RBM41: variants seen among roughly 807,000 people sequenced by gnomAD.
RBM41 encodes RNA binding motif protein 41, also known as RNA-binding protein 41.
In RBM41, 14 loss-of-function variants were observed where a neutral mutation model predicts 30.8. The ratio of observed to expected loss-of-function variants is 0.45; its 90% CI spans 0.30 to 0.71. RBM41 has a LOEUF of 0.71. Ranked by LOEUF, RBM41 falls within the 30% of genes least tolerant of loss-of-function variation. The probability of loss-of-function intolerance (pLI) is 0.08; values close to 1 mark genes in which losing one functional copy is unlikely to be tolerated. For synonymous variants in RBM41, 120 were observed against 110.1 expected (o/e 1.09, Z -0.56); for missense variants, 276 against 326.3 (o/e 0.85, Z 1.19).
At chrX:107,072,674 C>A (rs1393868509) in intron 6 of RBM41, among the ~76,000 whole-genome samples, 1 of 111,177 alleles carries the variant, frequency 9.0e-6, no homozygotes, top group Non-Finnish European at 1.9e-5. Flanking sequence ...ACAAAAGACT[C>A]TGAAGCCACA....
intron 5 of RBM41, among the ~76,000 whole-genome samples, chrX:107,100,484 C>G (rs1284527898): frequency 1.2e-5 from 1 of 86,328 alleles, no homozygotes; most frequent in Non-Finnish European, 2.1e-5. Context: ...ACAGTGGACT[C>G]TGTCTCAAAA....
rs558015171 is a variant in RBM41, at chrX:107,081,710, T to C, written c.999+6726A>G. On this transcript the variant is annotated intron_variant, in intron 6 of 7. Transcript: ENST00000685964. ...CATCAGTTTTACACTTTTGTGCATA[T>C]AGAACCTGTACATACTTTGTTAAAT... 5.3e-5 allele frequency among the ~76,000 whole-genome samples: 6 copies of C among 112,397 alleles called. No homozygotes were observed. In the South Asian group the frequency reaches 1.5e-3, roughly 27 times the overall value.
chrX:107,056,699 T>G, the RBM41 span, among the ~76,000 whole-genome samples: 2 of 111,737 alleles, frequency 1.8e-5, no homozygotes, highest in Non-Finnish European at 3.8e-5. Flanking sequence ...CTTTTTATTT[T>G]TGTAAGGCTG....
chrX:107,069,593 TAC>T (rs1438516653), intron 6 of RBM41, 191 bp from the exon 7 acceptor site: 1 of 349,007 alleles, frequency 2.9e-6, no homozygotes, highest in Non-Finnish European at 4.7e-6. Flanking sequence ...TAGCTGGGAT[TAC>T]AGTCATGTGC....
chrX:107,079,829 CTA>C (rs1469473295), intron 6 of RBM41, among the ~76,000 whole-genome samples: 1 of 111,864 alleles, frequency 8.9e-6, no homozygotes, highest in Non-Finnish European at 1.9e-5. Flanking sequence ...TATCATCTGT[CTA>C]TAGTTTTCCC....
intron 6 of RBM41, among the ~76,000 whole-genome samples, chrX:107,071,912 CAG>C (rs1213997066): frequency 1.8e-5 from 2 of 111,591 alleles, no homozygotes; most frequent in African/African-American, 3.3e-5. Context: ...AGGCAAGAAA[CAG>C]AAATAAAATG....
intron 6 of RBM41, among the ~76,000 whole-genome samples, chrX:107,076,215 G>A (rs1430273986): frequency 9.2e-6 from 1 of 108,960 alleles, no homozygotes; most frequent in Admixed American, 1.0e-4. Context: ...TACATGGGAG[G>A]CTGTGACAGG....
chrX:107,067,402 T>C lies in RBM41; in HGVS notation c.*125A>G, dbSNP rs1440601881. On this transcript the variant is annotated 3_prime_UTR_variant, in exon 8 of 8. Transcript: ENST00000685964. ...AGTTCTCTCCAAAAGCTGAAATTACTTTTTTCCCCTCCCTCAGTTAGTTTT... is the reference window on the plus strand; with the variant it reads ...AGTTCTCTCCAAAAGCTGAAATTACCTTTTTCCCCTCCCTCAGTTAGTTTT... The C allele has an allele frequency of 9.1e-7, 1 of 1,092,922 alleles. No individual in the cohort carries two copies. The highest frequency in any genetic ancestry group is 3.1e-5 in the Admixed American group (1 of 32,558). The allele number at this position is 1,092,922 out of a possible 1,213,427, so 90.1% of individuals were successfully genotyped here.
At chrX:107,082,194 T>C (rs1251304793) in intron 6 of RBM41, among the ~76,000 whole-genome samples, 2 of 111,544 alleles carry the variant, frequency 1.8e-5, no homozygotes, top group Non-Finnish European at 3.8e-5. Context: ...AGTCTATTCC[T>C]AGTTTGCTGA....
At chrX:107,075,943 C>T (rs770371901) in intron 6 of RBM41, among the ~76,000 whole-genome samples, 6 of 111,651 alleles carry the variant, frequency 5.4e-5, no homozygotes, top group South Asian at 3.7e-4. Context: ...ATGTTCATCC[C>T]GGCAATACTC....
At chrX:107,067,838 C>A in intron 7 of RBM41, 145 bp from the exon 8 acceptor site, 1 of 684,989 alleles carries the variant, frequency 1.5e-6, no homozygotes, top group Non-Finnish European at 1.9e-6. Context: ...TTTCTATAAT[C>A]TCCCATTTGC....
chrX:107,084,993 A>G (rs1292515687), intron 6 of RBM41, among the ~76,000 whole-genome samples: 1 of 111,449 alleles, frequency 9.0e-6, no homozygotes. Context: ...TCTACTGTGT[A>G]GTATTCTATT....
At chrX:107,118,565 T>C (rs1925086257) in intron 1 of RBM41, among the ~76,000 whole-genome samples, 1 of 111,372 alleles carries the variant, frequency 9.0e-6, no homozygotes, top group African/African-American at 3.3e-5. Flanking sequence ...CCGGCCCCGG[T>C]GGCAGCCCTT....
At chrX:107,105,657 T>C (rs912370891) in intron 5 of RBM41, among the ~76,000 whole-genome samples, 1 of 111,434 alleles carries the variant, frequency 9.0e-6, no homozygotes, top group African/African-American at 3.3e-5. Flanking sequence ...ATGGTACTGG[T>C]ACCAAAACAG....
downstream of RBM41, among the ~76,000 whole-genome samples, chrX:107,061,747 G>A (rs759327489): frequency 9.2e-6 from 1 of 108,812 alleles, no homozygotes; most frequent in East Asian, 2.8e-4. Context: ...CCTGGCCTAC[G>A]AATGTTTCTA....
chrX:107,067,062 T>A lies in RBM41; in HGVS notation c.*465A>T. 1 of 753,549 alleles carries A rather than the reference T, an allele frequency of 1.3e-6. No homozygotes were observed. The highest frequency in any genetic ancestry group is 1.6e-6 in the Non-Finnish European group (1 of 638,676). The allele number at this position is 753,549 out of a possible 1,213,427, so 62.1% of individuals were successfully genotyped here. The stretch of plus-strand genomic sequence containing the variant: ...GTTCTGACTTAATAGCATTTGTTGA[T>A]GCTTAGGCCTGGGGGTCCTACTCTT... On this transcript the variant is annotated 3_prime_UTR_variant, in exon 8 of 8. Transcript: ENST00000685964.
intron 6 of RBM41, among the ~76,000 whole-genome samples, chrX:107,084,361 C>CT (rs1351652143): frequency 9.0e-6 from 1 of 110,895 alleles, no homozygotes; most frequent in Non-Finnish European, 1.9e-5. Flanking sequence ...CACTTCACAG[C>CT]TTTTTTTCTC....
intron 5 of RBM41, among the ~76,000 whole-genome samples, chrX:107,112,416 T>C (rs1578819): frequency 0.3 from 33,547 of 110,534 alleles, 4,809 homozygotes; most frequent in African/African-American, 0.54. Flanking sequence ...AACTCGAACT[T>C]TCATACATTG....
rs994604343 is a variant in RBM41 at position 107,063,088 on chromosome X, C to T, written c.*4439G>A. Among the ~76,000 whole-genome samples the T allele has an allele frequency of 2.1e-4, 23 of 111,299 alleles. No individual in the cohort carries two copies. Among genetic ancestry groups the T allele is most frequent in the African/African-American group, 7.5e-4 (23 of 30,627 alleles). ...ACACAATTCACCCATTTAACGTGTA[C>T]AATTCCTGGTTTTTAGTATATTCAG... is the stretch of plus-strand genomic sequence containing the variant. On this transcript the variant is annotated 3_prime_UTR_variant, in exon 8 of 8. Transcript: ENST00000685964.
Sources: allele counts gnomAD v4.1 joint callset (sites outside exome capture counted in the v4.1 genomes callset), GRCh38; gene constraint gnomAD v4.1.1; transcripts MANE v1.5; gene names NCBI Gene and HGNC (gene_info 2026-07-23, HGNC 2026-07-21).